TTC39B: variants seen among roughly 807,000 people sequenced by gnomAD.
TTC39B encodes the protein tetratricopeptide repeat protein 39B.
In TTC39B, 92 loss-of-function variants were observed where a neutral mutation model predicts 96.6. The observed-to-expected ratio is 0.95, with a 90% CI of 0.80 to 1.13. The LOEUF is 1.13. Among genes scored for constraint, TTC39B ranks in the 50% most tolerant of loss-of-function variants. The pLI is 0.00. For synonymous variants in TTC39B, 367 were observed against 299.4 expected (o/e 1.23, Z -2.33); for missense variants, 955 against 809.3 (o/e 1.18, Z -2.18).
rs527318958 is a variant in TTC39B at position 15,248,412 on chromosome 9, T to G, written c.275+19502A>C. On this transcript the variant is annotated intron_variant, in intron 2 of 19. Transcript: ENST00000512701. ...GTTGCAGGTATTTATATGTCCTATA[T>G]GTTTGGCCACAAAGTACTTACACTT... Among the ~76,000 whole-genome samples the G allele has an allele frequency of 2.2e-4, 33 of 151,816 alleles. 1 individual carries two copies. In the South Asian group the frequency reaches 6.5e-3, roughly 30 times the overall value.
intron 1 of TTC39B, among the ~76,000 whole-genome samples, chr9:15,284,260 G>A (rs1823873858): frequency 6.6e-6 from 1 of 152,248 alleles, no homozygotes; most frequent in African/African-American, 2.4e-5. Context: ...AATATCCACA[G>A]TTGGCAGAGA....
chr9:15,225,866 G>T lies in TTC39B; in HGVS notation c.371+51C>A, dbSNP rs764167103. On this transcript the variant is annotated intron_variant, in intron 3 of 19. Coordinates refer to ENST00000512701, the Ensembl canonical transcript of TTC39B. Reference sequence around the variant, plus strand: ...ATATCAGTATTATATTCCTTCAAGGGTGGGACTGTCCTCCCCTCTTCCCCC... The same window carrying T: ...ATATCAGTATTATATTCCTTCAAGGTTGGGACTGTCCTCCCCTCTTCCCCC... 5.7e-5 allele frequency: 86 copies of T among 1,516,942 alleles called. 1 individual carries two copies. The South Asian group carries it at 8.6e-4, about 15-fold the overall frequency. 94.0% of individuals were successfully genotyped at this position (1,516,942 alleles called of 1,614,324 possible).
chr9:15,270,438 A>G (rs765419931), intron 1 of TTC39B, among the ~76,000 whole-genome samples: 11 of 151,824 alleles, frequency 7.2e-5, no homozygotes, highest in Non-Finnish European at 1.6e-4. Flanking sequence ...TGGACAGCCC[A>G]CTCCTGGGAG....
intron 2 of TTC39B, among the ~76,000 whole-genome samples, chr9:15,259,385 A>T (rs897045349): frequency 2.6e-5 from 4 of 152,238 alleles, no homozygotes; most frequent in African/African-American, 9.6e-5. Context: ...CCAGCTTACA[A>T]TTCAAATTCT....
At chr9:15,298,941 C>A (rs531761295) in intron 1 of TTC39B, among the ~76,000 whole-genome samples, 4 of 152,246 alleles carry the variant, frequency 2.6e-5, no homozygotes, top group Admixed American at 6.5e-5. Flanking sequence ...CCATGGCTAA[C>A]CCCTACTCAT....
At chr9:15,206,415 CAA>C (rs1010511464) in intron 6 of TTC39B, among the ~76,000 whole-genome samples, 23 of 152,198 alleles carry the variant, frequency 1.5e-4, no homozygotes, top group East Asian at 1.9e-4. Context: ...CCCTTGAACA[CAA>C]AGTCTGTTTG....
At chr9:15,291,270 G>C (rs1471830914) in intron 1 of TTC39B, among the ~76,000 whole-genome samples, 1 of 152,212 alleles carries the variant, frequency 6.6e-6, no homozygotes, top group Non-Finnish European at 1.5e-5. Flanking sequence ...GGAGGGAATT[G>C]AATCACCAGG....
chr9:15,215,780 C>T (rs1175270373), intron 3 of TTC39B, among the ~76,000 whole-genome samples: 1 of 152,018 alleles, frequency 6.6e-6, no homozygotes, highest in Non-Finnish European at 1.5e-5. Context: ...AGGAGAATTG[C>T]TTGAACCTGG....
At chr9:15,177,898 C>G in intron 17 of TTC39B, 84 bp from the exon 18 acceptor site, 1 of 816,062 alleles carries the variant, frequency 1.2e-6, no homozygotes, top group South Asian at 1.9e-5. Flanking sequence ...GAGACGGACT[C>G]TCGCTCTCTC....
chr9:15,207,897 T>C (rs1028965915), intron 6 of TTC39B, among the ~76,000 whole-genome samples: 2 of 139,734 alleles, frequency 1.4e-5, no homozygotes, highest in Admixed American at 7.6e-5. Context: ...GGCAGAAGAA[T>C]GGTGTGAACC....
intron 1 of TTC39B, among the ~76,000 whole-genome samples, chr9:15,273,659 CAGGTGGG>C (rs144297767): frequency 0.31 from 46,499 of 152,044 alleles, 11,537 homozygotes; most frequent in African/African-American, 0.69. Context: ...ATGAAGACCA[CAGGTGGG>C]CAGGTGCCCA....
chr9:15,216,198 T>A (rs1820508005), intron 3 of TTC39B, among the ~76,000 whole-genome samples: 2 of 152,206 alleles, frequency 1.3e-5, no homozygotes, highest in African/African-American at 4.8e-5. Flanking sequence ...TTTGTAGACA[T>A]GCTTGTCTGT....
At chr9:15,249,857 A>C in intron 2 of TTC39B, 1 of 1,157,350 alleles carries the variant, frequency 8.6e-7, no homozygotes, top group South Asian at 1.7e-5. Flanking sequence ...ACCCTCATAG[A>C]TTTAAAGAGA....
intron 2 of TTC39B, among the ~76,000 whole-genome samples, chr9:15,244,052 A>C (rs1450597411): frequency 3.3e-5 from 5 of 152,234 alleles, no homozygotes; most frequent in South Asian, 2.1e-4. Flanking sequence ...TTAGAACCAG[A>C]GCCTGTATCT....
chr9:15,289,948 A>G lies in TTC39B; in HGVS notation c.240+17136T>C, dbSNP rs190078827. Among the ~76,000 whole-genome samples the G allele has an allele frequency of 3.5e-4, 54 of 152,290 alleles. 1 individual carries two copies. The highest frequency in any genetic ancestry group is 2.1e-3 in the Admixed American group (32 of 15,302). ...GCCCTTGACCCCCCTGATGATGTCC[A>G]GTGTGAGAGCCAAAGCCAAACACTG... On this transcript the variant is annotated intron_variant, in intron 1 of 19. Transcript: ENST00000512701.
chr9:15,197,748 A>G (rs1337657572), intron 8 of TTC39B, among the ~76,000 whole-genome samples: 2 of 152,208 alleles, frequency 1.3e-5, no homozygotes, highest in Non-Finnish European at 2.9e-5. Flanking sequence ...CAAAAAAGCC[A>G]GAAGAAAAGA....
intron 1 of TTC39B, among the ~76,000 whole-genome samples, chr9:15,284,995 C>T (rs1197749011): frequency 6.6e-6 from 1 of 152,156 alleles, no homozygotes; most frequent in East Asian, 1.9e-4. Flanking sequence ...AGCTCGGTGG[C>T]TCACACCTGT....
chr9:15,275,779 C>T (rs1365363128), intron 1 of TTC39B, among the ~76,000 whole-genome samples: 1 of 152,074 alleles, frequency 6.6e-6, no homozygotes, highest in Non-Finnish European at 1.5e-5. Context: ...AACAATAATG[C>T]CCACAGAGCT....
intron 1 of TTC39B, among the ~76,000 whole-genome samples, chr9:15,277,210 C>T (rs533113519): frequency 1.2e-3 from 188 of 152,208 alleles, no homozygotes; most frequent in Non-Finnish European, 2.4e-3. Flanking sequence ...GGGTGGATCA[C>T]CTGAGGTCGG....
Sources: allele counts gnomAD v4.1 joint callset (sites outside exome capture counted in the v4.1 genomes callset), GRCh38; gene constraint gnomAD v4.1.1; transcripts MANE v1.5; gene names NCBI Gene and HGNC (gene_info 2026-07-23, HGNC 2026-07-21).